The following RTN3 variants were observed in gnomAD, a reference collection of about 807,000 sequenced individuals.
RTN3 encodes reticulon 3, also known as reticulon-3.
A neutral mutation model predicts 77.8 loss-of-function variants in RTN3; 49 were observed. The ratio of observed to expected loss-of-function variants is 0.63; its 90% CI spans 0.50 to 0.80. The LOEUF (loss-of-function observed/expected upper bound fraction) is 0.80, where lower values mean the gene tolerates loss of function less well. RTN3 is among the 30% of genes least tolerant of loss of function. The pLI is 0.00. For synonymous variants in RTN3, 464 were observed against 446.9 expected, an observed-to-expected ratio of 1.04 and a Z score of -0.48; for missense variants, 1,236 against 1,211.9, an observed-to-expected ratio of 1.02 and a Z score of -0.29.
At chr11:63,743,099 C>T (rs1298038198) in intron 3 of RTN3, among the ~76,000 whole-genome samples, 1 of 151,900 alleles carries the variant, frequency 6.6e-6, no homozygotes, top group Non-Finnish European at 1.5e-5. Flanking sequence ...CGGGGTTTTG[C>T]CATGTTGACC....
intron 8 of RTN3, among the ~76,000 whole-genome samples, chr11:63,756,394 C>T (rs2014384265): frequency 1.3e-5 from 2 of 152,160 alleles, no homozygotes; most frequent in Admixed American, 6.6e-5. Context: ...CCTTTGTAGG[C>T]CAGGCATTTT....
At chr11:63,706,980 T>G (rs1942526839) in intron 2 of RTN3, among the ~76,000 whole-genome samples, 1 of 151,140 alleles carries the variant, frequency 6.6e-6, no homozygotes, top group African/African-American at 2.4e-5. Flanking sequence ...CAGTGCAACC[T>G]CCACCCAAGA....
At chr11:63,712,869 G>A (rs139071403) in intron 2 of RTN3, among the ~76,000 whole-genome samples, 3 of 152,278 alleles carry the variant, frequency 2.0e-5, no homozygotes, top group African/African-American at 4.8e-5. Context: ...GCCGAGGCAG[G>A]CGAATCACCT....
At chr11:63,736,669 CAG>C (rs1287096355) in intron 3 of RTN3, among the ~76,000 whole-genome samples, 3 of 152,128 alleles carry the variant, frequency 2.0e-5, no homozygotes, top group Non-Finnish European at 2.9e-5. Context: ...GCCTGGATGA[CAG>C]AGACTCCGTC....
At chr11:63,704,974 G>A (rs1942428487) in intron 2 of RTN3, 67 bp downstream of exon 2, 1 of 1,158,570 alleles carries the variant, frequency 8.6e-7, no homozygotes, top group Non-Finnish European at 1.3e-6. Flanking sequence ...TGTAACTGGG[G>A]ATACGAGGCA....
chr11:63,731,846 T>TTTTGG (rs1014815010), intron 3 of RTN3, among the ~76,000 whole-genome samples: 3 of 151,908 alleles, frequency 2.0e-5, no homozygotes, highest in African/African-American at 7.3e-5. Flanking sequence ...AGAGATGGGG[T>TTTTGG]TTCATCATGT....
intron 1 of RTN3, among the ~76,000 whole-genome samples, chr11:63,697,633 GC>G: frequency 6.6e-6 from 1 of 151,968 alleles, no homozygotes; most frequent in Admixed American, 6.6e-5. Flanking sequence ...CTGCCACCAC[GC>G]CTGGCTAATT....
intron 1 of RTN3, among the ~76,000 whole-genome samples, chr11:63,699,161 T>C (rs888453238): frequency 6.6e-6 from 1 of 152,020 alleles, no homozygotes; most frequent in Non-Finnish European, 1.5e-5. Flanking sequence ...ATTAGCCGTG[T>C]GTGGTAGCAT....
Position 63,720,041 on chromosome 11 carries a change from A to G in RTN3, c.1539A>G (p.Ser513=), listed in dbSNP as rs2011642647. 1 of 1,614,168 alleles carries G rather than the reference A, an allele frequency of 6.2e-7. No homozygotes were observed. The highest frequency in any genetic ancestry group is 1.3e-5 in the African/African-American group (1 of 75,072). Residue 513 remains serine, a synonymous_variant, in exon 3 of 9, where the codon TCA becomes TCG. Coordinates refer to ENST00000377819, the MANE Select transcript of RTN3 (RefSeq NM_001265589.2). ...TAGAGGACATCACAGCAGATACATC[A>G]TTTGAAAATAACAAAATTCAGGCTG... ...TVIEDITADT[S]FENNKIQAEK...
downstream of RTN3, chr11:63,759,883 CACAA>C (rs1316665564): frequency 6.1e-5 from 9 of 147,350 alleles, no homozygotes; most frequent in East Asian, 2.0e-4. Context: ...AAAAAAAAAA[CACAA>C]ACAATGACTG....
intron 3 of RTN3, among the ~76,000 whole-genome samples, chr11:63,736,668 A>G (rs1033217610): frequency 2.0e-5 from 3 of 152,224 alleles, no homozygotes; most frequent in Non-Finnish European, 4.4e-5. Flanking sequence ...AGCCTGGATG[A>G]CAGAGACTCC....
intron 3 of RTN3, among the ~76,000 whole-genome samples, chr11:63,748,970 C>A (rs890773066): frequency 6.6e-6 from 1 of 152,034 alleles, no homozygotes; most frequent in Non-Finnish European, 1.5e-5. Flanking sequence ...GCCCGGCCCC[C>A]ACTCACTTTT....
chr11:63,711,167 CT>C (rs1406454232), intron 2 of RTN3, among the ~76,000 whole-genome samples: 3 of 151,958 alleles, frequency 2.0e-5, no homozygotes, highest in Non-Finnish European at 4.4e-5. Flanking sequence ...CTAGTCCCAG[CT>C]ACTCAGGAGG....
chr11:63,716,521 C>A (rs1191425936), intron 2 of RTN3, among the ~76,000 whole-genome samples: 2 of 152,316 alleles, frequency 1.3e-5, no homozygotes, highest in South Asian at 2.1e-4. Context: ...TCCAAAGATA[C>A]AACAGTATGC....
Position 63,719,725 on chromosome 11 carries a change from C to G in RTN3, c.1223C>G (p.Ala408Gly). The part of the protein sequence containing the change: ...ITKSTGDWAE[A>G]SLQQENAITG... ...AAATCAACAGGTGATTGGGCAGAAG[C>G]ATCTCTCCAGCAAGAAAATGCTATT... Residue 408 changes from alanine (A) to glycine (G), a missense_variant, in exon 3 of 9, where the codon GCA (alanine) becomes GGA (glycine). By Grantham distance (60) the Ala-to-Gly change is moderately conservative. Coordinates refer to ENST00000377819, the MANE Select transcript of RTN3 (RefSeq NM_001265589.2). 6.2e-7 allele frequency: 1 copy of G among 1,614,122 alleles called. No homozygotes were observed. The highest frequency in any genetic ancestry group is 8.5e-7 in the Non-Finnish European group (1 of 1,180,014).
intron 1 of RTN3, among the ~76,000 whole-genome samples, chr11:63,684,126 T>C (rs1212495046): frequency 3.7e-5 from 3 of 80,216 alleles, no homozygotes; most frequent in East Asian, 6.1e-4. Context: ...TAATTTTCTT[T>C]TGGTTTTTTT....
chr11:63,682,637 GT>G (rs536827246), intron 1 of RTN3, among the ~76,000 whole-genome samples: 1 of 149,886 alleles, frequency 6.7e-6, no homozygotes, highest in Non-Finnish European at 1.5e-5. Context: ...AAAGGGGGGT[GT>G]TTATTGCAGA....
At chr11:63,694,983 AG>A (rs777536725) in intron 1 of RTN3, among the ~76,000 whole-genome samples, 10 of 152,230 alleles carry the variant, frequency 6.6e-5, no homozygotes, top group Non-Finnish European at 1.3e-4. Context: ...CTGCTGTCTT[AG>A]TAACTACTAC....
At chr11:63,724,341 C>A (rs1160957644) in intron 3 of RTN3, among the ~76,000 whole-genome samples, 2 of 150,634 alleles carry the variant, frequency 1.3e-5, no homozygotes, top group Non-Finnish European at 3.0e-5. Flanking sequence ...TGCTACCACG[C>A]CCGGCTAATT....
Sources: gnomAD v4.1 joint callset for allele counts (sites outside exome capture counted in the v4.1 genomes callset) on GRCh38, gnomAD v4.1.1 for gene constraint, MANE v1.5 for transcripts, NCBI Gene and HGNC (gene_info 2026-07-23, HGNC 2026-07-21) for gene names.